SNX29: variants seen among roughly 807,000 people sequenced by gnomAD.
The protein encoded by SNX29 is sorting nexin-29.
A neutral mutation model predicts 102.1 loss-of-function variants in SNX29; 78 were observed. That is an observed-to-expected ratio of 0.76 (90% CI 0.64 to 0.92). The LOEUF is 0.92. Among genes scored for constraint, SNX29 ranks in the 40% least tolerant of loss-of-function variants. The pLI is 0.00. For missense variants in SNX29, 1,280 were observed against 1,061.7 expected, an observed-to-expected ratio of 1.21 and a Z score of -2.86; for synonymous variants, 580 against 414.5, an observed-to-expected ratio of 1.40 and a Z score of -4.85.
rs556388680 is a variant in SNX29, at chr16:12,168,740, G to T, written c.1596-30861G>T. 9.0e-4 allele frequency among the ~76,000 whole-genome samples: 137 copies of T among 152,282 alleles called. 1 individual carries two copies. Among genetic ancestry groups the T allele is most frequent in the African/African-American group, 3.0e-3 (126 of 41,548 alleles). The stretch of plus-strand genomic sequence containing the variant: ...CTGCTAGAATCTTCTTAACAATAAC[G>T]TATTGAGTTATTATTAGATCGTTAC... On this transcript the variant is annotated intron_variant, in intron 13 of 20. Transcript: ENST00000566228.
At chr16:12,328,155 G>A (rs902172109) in intron 15 of SNX29, among the ~76,000 whole-genome samples, 3 of 152,138 alleles carry the variant, frequency 2.0e-5, no homozygotes, top group Non-Finnish European at 1.5e-5. Context: ...CATATGGCAC[G>A]TTTGGCACAG....
At chr16:12,324,277 T>G (rs1195572137) in intron 15 of SNX29, among the ~76,000 whole-genome samples, 1 of 152,036 alleles carries the variant, frequency 6.6e-6, no homozygotes, top group Non-Finnish European at 1.5e-5. Context: ...AGAGGCAACT[T>G]GGATGCCAGC....
intron 10 of SNX29, among the ~76,000 whole-genome samples, chr16:12,076,809 C>A (rs2051596517): frequency 6.6e-6 from 1 of 152,166 alleles, no homozygotes; most frequent in South Asian, 2.1e-4. Flanking sequence ...AGTGGAACTT[C>A]CTGACTACCG....
At chr16:12,031,728 C>A (rs2057350494) in intron 4 of SNX29, among the ~76,000 whole-genome samples, 1 of 151,970 alleles carries the variant, frequency 6.6e-6, no homozygotes, top group South Asian at 2.1e-4. Flanking sequence ...TGGTGTGAAC[C>A]CGGGAGGCGG....
At chr16:12,556,487 G>C (rs553776300) in intron 20 of SNX29, 5 of 152,472 alleles carry the variant, frequency 3.3e-5, no homozygotes, top group South Asian at 2.1e-4. Flanking sequence ...GGAGGAGTTA[G>C]GGCATGGCAG....
Position 12,046,367 on chromosome 16 carries a change from T to A in SNX29, c.429-17T>A. The A allele has an allele frequency of 6.2e-7, 1 of 1,613,140 alleles. No individual in the cohort carries two copies. The highest frequency in any genetic ancestry group is 1.7e-5 in the Admixed American group (1 of 59,980). On this transcript the variant is annotated splice_polypyrimidine_tract_variant and intron_variant, in intron 5 of 20. Transcript: ENST00000566228. ...ACCACTGCTAAGAACGATTTCCTTT[T>A]CTCTTTCAATCTGCAGCACTTTTTA...
chr16:12,237,710 C>T (rs1233236837), intron 14 of SNX29, among the ~76,000 whole-genome samples: 1 of 150,926 alleles, frequency 6.6e-6, no homozygotes, highest in Non-Finnish European at 1.5e-5. Flanking sequence ...AGTTTGAGAC[C>T]AGACTGGGCA....
rs141583067 is a variant in SNX29, at chr16:12,536,955, G to A, written c.2318+12114G>A. On this transcript the variant is annotated intron_variant, in intron 20 of 20. Transcript: ENST00000566228. ...CACAGCACTGCACTCCAGCCTAGGC[G>A]ACAGAGTGAGAGAGAACCCGTCTTA... 2.9e-3 allele frequency among the ~76,000 whole-genome samples: 444 copies of A among 152,138 alleles called. 2 individuals carry two copies. Among genetic ancestry groups the A allele is most frequent in the South Asian group, 4.8e-3 (23 of 4,804 alleles).
At chr16:12,527,200 T>C (rs1402664931) in intron 20 of SNX29, 2 of 533,190 alleles carry the variant, frequency 3.8e-6, no homozygotes, top group Middle Eastern at 2.8e-4. Context: ...ATGTACGGAT[T>C]GTTTCATTTT....
intron 14 of SNX29, among the ~76,000 whole-genome samples, chr16:12,244,188 G>C (rs938818703): frequency 7.2e-5 from 11 of 152,288 alleles, no homozygotes; most frequent in African/African-American, 2.6e-4. Context: ...CCTGCTGTGT[G>C]GCCTGGTTCC....
rs12477 is a variant in SNX29 at position 12,573,279 on chromosome 16, A to G, written c.*4650A>G. 52,152 of 227,022 alleles carry G rather than the reference A, an allele frequency of 0.23. 6,478 individuals carry two copies. Among genetic ancestry groups the G allele is most frequent in the East Asian group, 0.43 (6,824 of 15,742 alleles). 14.1% of individuals were successfully genotyped at this position (227,022 alleles called of 1,614,324 possible). ...AGTCATCTCTGGTATTCCTCACTCT[A>G]GCCATGAGCCATTGCCATCTTATGG... is the stretch of plus-strand genomic sequence containing the variant. On this transcript the variant is annotated 3_prime_UTR_variant, in exon 21 of 21. Coordinates refer to ENST00000566228, the MANE Select transcript of SNX29 (RefSeq NM_032167.5).
chr16:12,025,320 A>G (rs2057158883), intron 3 of SNX29, among the ~76,000 whole-genome samples: 1 of 151,498 alleles, frequency 6.6e-6, no homozygotes, highest in African/African-American at 2.4e-5. Context: ...AAAAAAAAAA[A>G]AAAAGTGCCT....
At chr16:12,493,833 C>T (rs1172657103) in intron 19 of SNX29, among the ~76,000 whole-genome samples, 1 of 152,202 alleles carries the variant, frequency 6.6e-6, no homozygotes, top group Non-Finnish European at 1.5e-5. Flanking sequence ...CTCAGATGAT[C>T]CACCCGCCTC....
At chr16:12,049,620 A>G (rs2050224572) in intron 7 of SNX29, among the ~76,000 whole-genome samples, 1 of 152,170 alleles carries the variant, frequency 6.6e-6, no homozygotes, top group African/African-American at 2.4e-5. Context: ...GGCGTGAGCC[A>G]CTGTGCCCAG....
intron 18 of SNX29, among the ~76,000 whole-genome samples, chr16:12,472,541 AAAC>A (rs1189615329): frequency 7.3e-5 from 11 of 149,998 alleles, no homozygotes; most frequent in African/African-American, 2.7e-4. Context: ...AAAAAAAAAA[AAAC>A]AAAAAAAAAA....
chr16:12,212,310 G>T (rs530486744), intron 14 of SNX29, among the ~76,000 whole-genome samples: 1 of 152,344 alleles, frequency 6.6e-6, no homozygotes, highest in East Asian at 1.9e-4. Flanking sequence ...GGACATCAGG[G>T]TTGGCGGAAA....
intron 18 of SNX29, among the ~76,000 whole-genome samples, chr16:12,441,849 C>G (rs201857675): frequency 6.6e-6 from 1 of 152,136 alleles, no homozygotes; most frequent in African/African-American, 2.4e-5. Flanking sequence ...CGTGCAGTGG[C>G]GTGATCTCAG....
At chr16:12,147,330 G>A (rs1271265882) in intron 13 of SNX29, among the ~76,000 whole-genome samples, 1 of 152,156 alleles carries the variant, frequency 6.6e-6, no homozygotes, top group African/African-American at 2.4e-5. Context: ...AAGGACAGAA[G>A]CAGGAGGAAA....
chr16:11,999,044 C>A (rs2056192060), intron 1 of SNX29, among the ~76,000 whole-genome samples: 1 of 152,188 alleles, frequency 6.6e-6, no homozygotes, highest in Admixed American at 6.5e-5. Flanking sequence ...AAACATCTTA[C>A]AATGTCAGTA....
Sources: allele counts gnomAD v4.1 joint callset (sites outside exome capture counted in the v4.1 genomes callset), GRCh38; gene constraint gnomAD v4.1.1; transcripts MANE v1.5; gene names NCBI Gene and HGNC (gene_info 2026-07-23, HGNC 2026-07-21).